Variants in RIPOR2 observed in about 807,000 individuals in gnomAD.
RIPOR2 encodes the protein RHO family interacting cell polarization regulator 2, also known as rho family-interacting cell polarization regulator 2.
RIPOR2 carries 39 observed loss-of-function variants against 114.5 expected under a neutral mutation model. The ratio of observed to expected loss-of-function variants is 0.34; its 90% CI spans 0.26 to 0.44. RIPOR2 has a LOEUF of 0.44. Among genes scored for constraint, RIPOR2 ranks in the 20% least tolerant of loss-of-function variants. RIPOR2 has a pLI of 1.00. For missense variants in RIPOR2, 1,007 were observed against 1,255.1 expected, an observed-to-expected ratio of 0.80 and a Z score of 2.99; for synonymous variants, 445 against 484.4, an observed-to-expected ratio of 0.92 and a Z score of 1.07.
chr6:24,957,216 G>A (rs565972778), intron 1 of RIPOR2, among the ~76,000 whole-genome samples: 108 of 48,414 alleles, frequency 2.2e-3, no homozygotes, highest in African/African-American at 3.1e-3. Flanking sequence ...GTCTAAAGAC[G>A]TGTAACGACT....
chr6:24,964,445 A>G (rs962324776), intron 1 of RIPOR2, among the ~76,000 whole-genome samples: 4 of 152,202 alleles, frequency 2.6e-5, no homozygotes, highest in Non-Finnish European at 4.4e-5. Context: ...CTCAAGGTCC[A>G]TTCAAGTTGC....
At chr6:24,898,734 T>C (rs907484754) in intron 1 of RIPOR2, among the ~76,000 whole-genome samples, 3 of 152,222 alleles carry the variant, frequency 2.0e-5, no homozygotes, top group African/African-American at 7.2e-5. Context: ...AAGGAACTGC[T>C]GTATTTTGTA....
chr6:24,969,103 G>A (rs1158114241), intron 1 of RIPOR2, among the ~76,000 whole-genome samples: 1 of 152,190 alleles, frequency 6.6e-6, no homozygotes, highest in Non-Finnish European at 1.5e-5. Flanking sequence ...AGTTTAGCTT[G>A]CATCAGAATC....
chr6:24,956,198 G>A (rs9348651), intron 1 of RIPOR2, among the ~76,000 whole-genome samples: 23,359 of 152,010 alleles, frequency 0.15, 2,494 homozygotes, highest in East Asian at 0.47. Context: ...GTGTGTCTCT[G>A]CACATTAAAT....
At chr6:25,031,344 G>A (rs1776918868) in intron 1 of RIPOR2, 1 of 152,166 alleles carries the variant, frequency 6.6e-6, no homozygotes, top group African/African-American at 2.4e-5. Flanking sequence ...TGGTTGACAA[G>A]AGCTGGGGAA....
intron 1 of RIPOR2, among the ~76,000 whole-genome samples, chr6:25,007,168 A>G (rs1273374293): frequency 6.6e-6 from 1 of 152,238 alleles, no homozygotes; most frequent in Non-Finnish European, 1.5e-5. Flanking sequence ...GAGAATGGCC[A>G]GTATCTTAAT....
At chr6:24,852,425 G>A (rs1466736567) in intron 9 of RIPOR2, 150 bp downstream of exon 9, 3 of 659,590 alleles carry the variant, frequency 4.5e-6, no homozygotes, top group African/African-American at 1.9e-5. Context: ...TCCTGTACCA[G>A]TTTCCAGACT....
At chr6:24,983,954 T>A (rs1214779050) in intron 1 of RIPOR2, among the ~76,000 whole-genome samples, 1 of 151,906 alleles carries the variant, frequency 6.6e-6, no homozygotes, top group Non-Finnish European at 1.5e-5. Flanking sequence ...GCACCCCATT[T>A]TTTGGTTTCT....
At chr6:24,921,657 C>CA (rs946604217) in intron 1 of RIPOR2, among the ~76,000 whole-genome samples, 2 of 151,604 alleles carry the variant, frequency 1.3e-5, no homozygotes, top group Admixed American at 6.6e-5. Context: ...TATCGCCCCC[C>CA]CCGACCCTGA....
At chr6:25,034,999 C>A (rs1295745851) in intron 1 of RIPOR2, among the ~76,000 whole-genome samples, 6 of 152,138 alleles carry the variant, frequency 3.9e-5, no homozygotes, top group Admixed American at 6.5e-5. Flanking sequence ...TCTACAGAAG[C>A]AAGTATTCTT....
In RIPOR2 at chr6:24,875,814, A is replaced by C; in HGVS notation, c.65T>G (p.Leu22Arg). 1 of 1,606,094 alleles carries C rather than the reference A, an allele frequency of 6.2e-7. No individual in the cohort carries two copies. The highest frequency in any genetic ancestry group is 1.7e-5 in the Admixed American group (1 of 58,714). ...CATGATTTCCGGGAGTCTGGTCGGTAGTCCTAGAAGACAGTGGAAAGATCA... is the reference window on the plus strand; with the variant it reads ...CATGATTTCCGGGAGTCTGGTCGGTCGTCCTAGAAGACAGTGGAAAGATCA... ...DEEDDVFGEG[L>R]PTRLPEIMLV... Residue 22 changes from leucine (L) to arginine (R), a missense_variant, in exon 2 of 22, where the codon CTA (leucine) becomes CGA (arginine). Transcript: ENST00000643898.
chr6:24,866,892 C>T (rs1458220183), intron 6 of RIPOR2, among the ~76,000 whole-genome samples: 1 of 152,030 alleles, frequency 6.6e-6, no homozygotes, highest in African/African-American at 2.4e-5. Flanking sequence ...ACTATAGATC[C>T]AGAAGAAGGT....
intron 1 of RIPOR2, among the ~76,000 whole-genome samples, chr6:25,035,381 T>C (rs1018114739): frequency 3.3e-5 from 5 of 152,212 alleles, no homozygotes; most frequent in African/African-American, 1.2e-4. Flanking sequence ...GAGAGGAATT[T>C]TCCTGGTATA....
intron 19 of RIPOR2, among the ~76,000 whole-genome samples, chr6:24,823,473 C>A (rs576078106): frequency 6.6e-6 from 1 of 152,260 alleles, no homozygotes; most frequent in Non-Finnish European, 1.5e-5. Flanking sequence ...GTACACAGTA[C>A]TTGACAGGTA....
intron 1 of RIPOR2, among the ~76,000 whole-genome samples, chr6:24,958,666 T>G (rs913124990): frequency 1.3e-5 from 2 of 152,168 alleles, no homozygotes; most frequent in Non-Finnish European, 2.9e-5. Context: ...TGCCTATAAT[T>G]TGGGGTGAGA....
At chr6:24,954,455 CCTTTT>C (rs1253553505) in intron 1 of RIPOR2, among the ~76,000 whole-genome samples, 5 of 116,248 alleles carry the variant, frequency 4.3e-5, no homozygotes, top group African/African-American at 1.4e-4. Context: ...GTCTCTCTCT[CCTTTT>C]TTTTTTTTTT....
chr6:24,990,267 G>A (rs1380077622), intron 1 of RIPOR2, among the ~76,000 whole-genome samples: 2 of 152,220 alleles, frequency 1.3e-5, no homozygotes, highest in Non-Finnish European at 2.9e-5. Flanking sequence ...TTCTGGACGT[G>A]TCAAAGGACA....
chr6:24,878,201 A>T (rs1765990529), intron 1 of RIPOR2, among the ~76,000 whole-genome samples: 1 of 152,190 alleles, frequency 6.6e-6, no homozygotes, highest in South Asian at 2.1e-4. Flanking sequence ...ATATTTAACA[A>T]TTCCTTTAAT....
chr6:24,955,811 C>A (rs1487081410), intron 1 of RIPOR2, among the ~76,000 whole-genome samples: 1 of 151,538 alleles, frequency 6.6e-6, no homozygotes, highest in Non-Finnish European at 1.5e-5. Context: ...TCGAAACCAG[C>A]CTGGCCAACA....
Sources: gnomAD v4.1 joint callset for allele counts (sites outside exome capture counted in the v4.1 genomes callset) on GRCh38, gnomAD v4.1.1 for gene constraint, MANE v1.5 for transcripts, NCBI Gene and HGNC (gene_info 2026-07-23, HGNC 2026-07-21) for gene names.